Variants in CLPX observed in about 807,000 individuals in gnomAD.
CLPX encodes ATP-dependent clpX-like chaperone, mitochondrial.
Under a neutral mutation model 76.4 loss-of-function variants are expected in CLPX, and 34 were observed. The ratio of observed to expected loss-of-function variants is 0.45; its 90% CI spans 0.34 to 0.59. The LOEUF (loss-of-function observed/expected upper bound fraction) is 0.59. Among genes scored for constraint, CLPX ranks in the 20% least tolerant of loss-of-function variants. The pLI, the probability that CLPX is intolerant of heterozygous loss-of-function variation, is 0.01. For synonymous variants in CLPX, 248 were observed against 270.9 expected, an observed-to-expected ratio of 0.92 and a Z score of 0.83; for missense variants, 613 against 757.0, an observed-to-expected ratio of 0.81 and a Z score of 2.23.
intron 3 of CLPX, among the ~76,000 whole-genome samples, chr15:65,170,808 G>A (rs1595943678): frequency 6.9e-6 from 1 of 144,170 alleles, no homozygotes; most frequent in African/African-American, 2.5e-5. Context: ...ATCAATTCTT[G>A]TGTTTCTGTT....
At chr15:65,168,383 CAAAAAA>C (rs71136319) in intron 3 of CLPX, among the ~76,000 whole-genome samples, 31 of 35,660 alleles carry the variant, frequency 8.7e-4, no homozygotes, top group East Asian at 4.3e-3. Context: ...GACTCTGTCT[CAAAAAA>C]AAAAAAAAAA....
intron 9 of CLPX, 26 bp from the exon 10 acceptor site, chr15:65,155,882 G>C (rs1203692992): frequency 3.8e-6 from 6 of 1,567,000 alleles, no homozygotes; most frequent in South Asian, 1.1e-5. Flanking sequence ...ATGATTTATA[G>C]CATCACCATA....
chr15:65,154,990 G>A lies in CLPX; in HGVS notation c.1403C>T (p.Thr468Ile), dbSNP rs2087768764. ...ATCTTTTTCTTCAATGTCTTGGTGA[G>A]TATTCGATTCCCCACTTCGATTAGC... Reference protein sequence around the residue: ...DLANRSGESNTHQDIEEKDRL... With the variant: ...DLANRSGESNIHQDIEEKDRL... The change falls in exon 11 of 14, where the codon ACT becomes ATT. Residue 468 changes from threonine to isoleucine, a missense_variant. This residue lies in a region of CLPX where 450 missense variants were observed against 638.6 expected (regional missense o/e 0.70). Transcript: ENST00000300107. 1.2e-6 allele frequency: 2 copies of A among 1,614,096 alleles called. No homozygotes were observed. The highest frequency in any genetic ancestry group is 1.7e-6 in the Non-Finnish European group (2 of 1,179,986).
rs139100307 is a variant in CLPX, at chr15:65,159,392, C to G, written c.716-641G>C. ...TCTTTAGGCTAGGCATGGTGGCTCA[C>G]CTGAGGTCAGGAGTTTGAGAACAGC... On this transcript the variant is annotated intron_variant, in intron 6 of 13. Transcript: ENST00000300107. 3.8e-3 allele frequency among the ~76,000 whole-genome samples: 586 copies of G among 152,312 alleles called. 2 individuals are homozygous for G. Among genetic ancestry groups the G allele is most frequent in the Admixed American group, 9.9e-3 (152 of 15,286 alleles).
At chr15:65,179,627 A>G (rs1595947822) in intron 2 of CLPX, among the ~76,000 whole-genome samples, 2 of 152,214 alleles carry the variant, frequency 1.3e-5, no homozygotes, top group East Asian at 3.8e-4. Context: ...ATAAAGTTAT[A>G]CCAGAAATAT....
chr15:65,166,022 CA>C (rs1291364528), intron 4 of CLPX, among the ~76,000 whole-genome samples: 1 of 152,108 alleles, frequency 6.6e-6, no homozygotes, highest in Non-Finnish European at 1.5e-5. Flanking sequence ...TCCCAGTTCT[CA>C]AAAAGCACAC....
At chr15:65,173,211 A>G (rs2088035949) in intron 3 of CLPX, among the ~76,000 whole-genome samples, 1 of 152,066 alleles carries the variant, frequency 6.6e-6, no homozygotes, top group African/African-American at 2.4e-5. Flanking sequence ...CTCTACTAAA[A>G]ATACAAAAAT....
intron 4 of CLPX, among the ~76,000 whole-genome samples, chr15:65,165,915 T>C (rs2087906439): frequency 6.6e-6 from 1 of 152,116 alleles, no homozygotes. Context: ...CTAAACACAG[T>C]AGAAGAAAGA....
At chr15:65,181,853 G>A (rs1011178389) in intron 1 of CLPX, among the ~76,000 whole-genome samples, 1 of 151,626 alleles carries the variant, frequency 6.6e-6, no homozygotes, top group Non-Finnish European at 1.5e-5. Context: ...GCCAGGTGCA[G>A]TGACTCATGC....
chr15:65,173,446 G>C (rs956809262), intron 3 of CLPX, among the ~76,000 whole-genome samples: 1 of 151,624 alleles, frequency 6.6e-6, no homozygotes, highest in Non-Finnish European at 1.5e-5. Flanking sequence ...TCATATTGCT[G>C]GTCAGATTGT....
Position 65,158,555 on chromosome 15 carries a change from T to C in CLPX, c.892+20A>G. ...CTGATTTTTAAAATGAGTAGTAAAT[T>C]TTCTCAGCAAGTTATTTACCTGACC... On this transcript the variant is annotated intron_variant, in intron 7 of 13. Coordinates refer to ENST00000300107, the MANE Select transcript of CLPX (RefSeq NM_006660.5). 6.3e-7 allele frequency: 1 copy of C among 1,588,966 alleles called. No homozygotes were observed. The highest frequency in any genetic ancestry group is 8.6e-7 in the Non-Finnish European group (1 of 1,166,206).
intron 3 of CLPX, among the ~76,000 whole-genome samples, chr15:65,176,083 G>A (rs1056229439): frequency 8.5e-5 from 13 of 152,082 alleles, no homozygotes; most frequent in African/African-American, 3.1e-4. Context: ...CCCACAATTA[G>A]AATTCTCAAA....
At chr15:65,181,248 G>T (rs2088166277) in intron 1 of CLPX, among the ~76,000 whole-genome samples, 1 of 152,000 alleles carries the variant, frequency 6.6e-6, no homozygotes, top group African/African-American at 2.4e-5. Context: ...CTTACACGTG[G>T]TACTTAGAAG....
chr15:65,184,659 C>CA lies in CLPX; in HGVS notation c.79+415dup, dbSNP rs2088230015. On this transcript the variant is annotated intron_variant, in intron 1 of 13. Coordinates refer to ENST00000300107, the MANE Select transcript of CLPX (RefSeq NM_006660.5). ...TCAGCCGAGCCCCTCCTGGAGCCCC[C>CA]AACGGGCCCGAGGGGGATCCCGGCC... 2.0e-5 allele frequency among the ~76,000 whole-genome samples: 3 copies of CA among 152,244 alleles called. No individual in the cohort carries two copies. The South Asian group carries it at 6.2e-4, about 31-fold the overall frequency.
At chr15:65,151,628 A>T (rs1265483432) in intron 13 of CLPX, among the ~76,000 whole-genome samples, 1 of 152,166 alleles carries the variant, frequency 6.6e-6, no homozygotes, top group Non-Finnish European at 1.5e-5. Context: ...TCGAACTAGT[A>T]AAAATGATAA....
intron 3 of CLPX, among the ~76,000 whole-genome samples, chr15:65,172,391 G>A (rs1235925056): frequency 6.6e-6 from 1 of 152,142 alleles, no homozygotes. Context: ...TGTTGGTTTG[G>A]GAGGCTGAGG....
rs758957236 is a variant in CLPX at position 65,162,584 on chromosome 15, G to C, written c.715+20C>G. ...GTCAAAAGGAAGAATGATTACAGAG[G>C]AGGACCTGAAGTCACTTACTTGTAA... On this transcript the variant is annotated intron_variant, in intron 6 of 13. Coordinates refer to ENST00000300107, the MANE Select transcript of CLPX (RefSeq NM_006660.5). 1 of 1,537,808 alleles carries C rather than the reference G, an allele frequency of 6.5e-7. No homozygotes were observed. The highest frequency in any genetic ancestry group is 1.7e-5 in the Admixed American group (1 of 58,666).
chr15:65,175,883 T>G (rs1461066902), intron 3 of CLPX, among the ~76,000 whole-genome samples: 1 of 152,108 alleles, frequency 6.6e-6, no homozygotes, highest in Non-Finnish European at 1.5e-5. Flanking sequence ...TACACAAAAC[T>G]AAGGGAGGAG....
Position 65,185,277 on chromosome 15 carries a change from G to C in CLPX, c.-124C>G, listed in dbSNP as rs949617794. On this transcript the variant is annotated 5_prime_UTR_variant, in exon 1 of 14. Transcript: ENST00000300107. ...TTTCGCGGGCCCTAGACCCCGTGGA[G>C]AGTTCACCTGCCCGGCAGCCAGGCC... 4 of 718,214 alleles carry C rather than the reference G, an allele frequency of 5.6e-6. No individual in the cohort carries two copies. The highest frequency in any genetic ancestry group is 9.3e-6 in the Non-Finnish European group (4 of 430,410). 44.5% of individuals were successfully genotyped at this position (718,214 alleles called of 1,614,324 possible). A position where few individuals can be genotyped will look rare whatever the true frequency, so the allele number is the denominator to read the frequency against.
Sources: allele counts gnomAD v4.1 joint callset (sites outside exome capture counted in the v4.1 genomes callset), GRCh38; gene constraint gnomAD v4.1.1; regional missense constraint gnomAD v4.1.1; transcripts MANE v1.5; gene names NCBI Gene and HGNC (gene_info 2026-07-23, HGNC 2026-07-21).